The following EIF4H variants were observed in gnomAD, a reference collection of about 807,000 sequenced individuals.
The protein encoded by EIF4H is Williams-Beuren syndrome chromosome region 1.
EIF4H carries 8 observed loss-of-function variants against 30.6 expected under a neutral mutation model. That is an observed-to-expected ratio of 0.26 (90% CI 0.15 to 0.47). EIF4H has a LOEUF of 0.47. EIF4H is among the 20% of genes least tolerant of loss of function. The pLI is 0.99. For synonymous variants in EIF4H, 106 were observed against 122.7 expected, an observed-to-expected ratio of 0.86 and a Z score of 0.90; for missense variants, 188 against 339.5, an observed-to-expected ratio of 0.55 and a Z score of 3.51.
intron 5 of EIF4H, among the ~76,000 whole-genome samples, 189 bp from the exon 6 acceptor site, chr7:74,194,552 T>C (rs1431608428): frequency 6.6e-6 from 1 of 152,248 alleles, no homozygotes; most frequent in East Asian, 1.9e-4. Context: ...GGAAGTCTGT[T>C]AGCGCTGTCA....
At chr7:74,183,608 C>T (rs928419377) in intron 1 of EIF4H, among the ~76,000 whole-genome samples, 2 of 152,182 alleles carry the variant, frequency 1.3e-5, no homozygotes, top group Admixed American at 6.5e-5. Flanking sequence ...CTGAATTTCA[C>T]GAAACACAGC....
intron 5 of EIF4H, 54 bp downstream of exon 5, chr7:74,190,360 T>C: frequency 7.7e-6 from 12 of 1,563,752 alleles, no homozygotes; most frequent in Non-Finnish European, 1.1e-5. Flanking sequence ...CTTGCTGCTG[T>C]TCTCTGTTTC....
At chr7:74,180,761 C>T (rs1016418704) in intron 1 of EIF4H, among the ~76,000 whole-genome samples, 2 of 152,210 alleles carry the variant, frequency 1.3e-5, no homozygotes, top group African/African-American at 2.4e-5. Flanking sequence ...GAAGCCTCAG[C>T]AGCAGTGATA....
intron 2 of EIF4H, among the ~76,000 whole-genome samples, chr7:74,189,368 A>G (rs1383224568): frequency 1.3e-5 from 2 of 152,230 alleles, no homozygotes; most frequent in African/African-American, 4.8e-5. Context: ...TTCAGAAGTC[A>G]GAAGAGCTCT....
chr7:74,188,414 A>G (rs1801135940), intron 2 of EIF4H, among the ~76,000 whole-genome samples: 1 of 152,186 alleles, frequency 6.6e-6, no homozygotes, highest in Non-Finnish European at 1.5e-5. Flanking sequence ...GTGTAAGTGC[A>G]CGATGCTAGG....
chr7:74,189,848 G>A lies in EIF4H; in HGVS notation c.339G>A (p.Val113=). Residue 113 remains valine, a synonymous_variant, in exon 4 of 7, where the codon GTG becomes GTA. Coordinates refer to ENST00000265753, the MANE Select transcript of EIF4H (RefSeq NM_022170.2). Reference sequence around the variant, plus strand: ...TGTTGGGCGATCGGTCACTTCGTGTGGACATTGCAGAAGGCAGAAAACAAG... The same window carrying A: ...TGTTGGGCGATCGGTCACTTCGTGTAGACATTGCAGAAGGCAGAAAACAAG... ...GALLGDRSLR[V]DIAEGRKQDK... is the part of the protein sequence containing the mutation. 6.2e-7 allele frequency: 1 copy of A among 1,614,152 alleles called. No homozygotes were observed. Among genetic ancestry groups the A allele is most frequent in the Non-Finnish European group, 8.5e-7 (1 of 1,180,042 alleles).
chr7:74,193,298 T>C (rs1801266417), intron 5 of EIF4H, among the ~76,000 whole-genome samples: 2 of 152,208 alleles, frequency 1.3e-5, no homozygotes, highest in African/African-American at 2.4e-5. Flanking sequence ...CAGAGCATTA[T>C]CGTTTTCTGC....
In EIF4H at chr7:74,174,390, G is replaced by A; in HGVS notation, c.7G>A (p.Asp3Asn). 6.8e-7 allele frequency: 1 copy of A among 1,460,908 alleles called. No homozygotes were observed. 90.5% of individuals were successfully genotyped at this position (1,460,908 alleles called of 1,614,324 possible). The part of the protein sequence containing the change: MA[D>N]FDTYDDRAYS... ...CTCGGAGCGGAGACGGCAAATGGCGGACTTCGACACCTACGACGATCGGGC... is the reference window on the plus strand; with the variant it reads ...CTCGGAGCGGAGACGGCAAATGGCGAACTTCGACACCTACGACGATCGGGC... The change falls in exon 1 of 7, where the codon GAC (aspartate) becomes AAC (asparagine). Residue 3 changes from aspartate to asparagine, a missense_variant. By Grantham distance (23) the Asp-to-Asn change is conservative. Coordinates refer to ENST00000265753, the MANE Select transcript of EIF4H (RefSeq NM_022170.2).
Position 74,174,924 on chromosome 7 carries a change from C to T in EIF4H, c.59+482C>T, listed in dbSNP as rs1406010867. ...AGGCCGGCCGACTGGGGAAGGTCGG[C>T]AGCCAAGAGGGGCGATTCCCTTCCC... On this transcript the variant is annotated intron_variant, in intron 1 of 6. Transcript: ENST00000265753. 2.0e-5 allele frequency among the ~76,000 whole-genome samples: 3 copies of T among 152,222 alleles called. No homozygotes were observed. In the East Asian group the frequency reaches 5.8e-4, roughly 29 times the overall value.
At chr7:74,179,913 G>A (rs1272327130) in intron 1 of EIF4H, among the ~76,000 whole-genome samples, 1 of 152,058 alleles carries the variant, frequency 6.6e-6, no homozygotes, top group Non-Finnish European at 1.5e-5. Flanking sequence ...TTTTACCATT[G>A]GCAACAAATA....
chr7:74,180,402 G>A (rs1800933028), intron 1 of EIF4H, among the ~76,000 whole-genome samples: 1 of 152,096 alleles, frequency 6.6e-6, no homozygotes, highest in African/African-American at 2.4e-5. Context: ...CATAACATAG[G>A]GTACTAAAAA....
intron 1 of EIF4H, among the ~76,000 whole-genome samples, chr7:74,178,831 G>C (rs1350690288): frequency 2.0e-5 from 3 of 152,192 alleles, no homozygotes; most frequent in Non-Finnish European, 4.4e-5. Flanking sequence ...TTTTGTGTAA[G>C]TCGAATGTTC....
At position 74,189,805 on chromosome 7, in the gene EIF4H, T is replaced by C. The variant is rs781989135; in HGVS notation, c.313-17T>C. 52 of 1,614,036 alleles carry C rather than the reference T, an allele frequency of 3.2e-5. No homozygotes were observed. Among genetic ancestry groups the C allele is most frequent in the Non-Finnish European group, 3.1e-5 (37 of 1,180,014 alleles). On this transcript the variant is annotated splice_polypyrimidine_tract_variant and intron_variant, in intron 3 of 6. Coordinates refer to ENST00000265753, the MANE Select transcript of EIF4H (RefSeq NM_022170.2). Reference sequence around the variant, plus strand: ...TTTTCTTTGCCAATACTTACACTATTTTCCCTTTATCATTAGCTGTTGGGC... The same window carrying C: ...TTTTCTTTGCCAATACTTACACTATCTTCCCTTTATCATTAGCTGTTGGGC...
At position 74,178,201 on chromosome 7, in the gene EIF4H, A is replaced by G. The variant is rs140943966; in HGVS notation, c.59+3759A>G. On this transcript the variant is annotated intron_variant, in intron 1 of 6. Transcript: ENST00000265753. ...AGGGATCTTCCTGCCTCAGCCTCCC[A>G]AGGCTCATTGTGTGAGCCACAGTAC... Among the ~76,000 whole-genome samples the G allele has an allele frequency of 4.2e-4, 64 of 152,228 alleles. No homozygotes were observed. In the East Asian group the frequency reaches 0.01, roughly 25 times the overall value.
At chr7:74,180,012 GACAATATGTCCAGACCTGGT>G (rs1177602306) in intron 1 of EIF4H, among the ~76,000 whole-genome samples, 1 of 152,080 alleles carries the variant, frequency 6.6e-6, no homozygotes, top group African/African-American at 2.4e-5. Flanking sequence ...GCCCAGTCTG[GACAATATGTCCAGACCTGGT>G]CTTTTCAAAA....
At chr7:74,179,357 C>T (rs1361748415) in intron 1 of EIF4H, among the ~76,000 whole-genome samples, 2 of 152,146 alleles carry the variant, frequency 1.3e-5, no homozygotes, top group Non-Finnish European at 2.9e-5. Context: ...TTTGGCTGGG[C>T]GCGGTGGCTC....
intron 2 of EIF4H, 112 bp downstream of exon 2, chr7:74,187,910 T>C (rs1195895430): frequency 2.3e-6 from 3 of 1,292,244 alleles, no homozygotes; most frequent in Middle Eastern, 3.9e-4. Context: ...AGAAAGTGTT[T>C]TAAACATTTG....
intron 1 of EIF4H, among the ~76,000 whole-genome samples, chr7:74,179,033 A>G (rs1184238212): frequency 6.6e-6 from 1 of 151,932 alleles, no homozygotes; most frequent in East Asian, 1.9e-4. Context: ...GTATACTCAC[A>G]TTTTTGGAGC....
At chr7:74,181,269 C>G (rs1014944482) in intron 1 of EIF4H, among the ~76,000 whole-genome samples, 1 of 152,096 alleles carries the variant, frequency 6.6e-6, no homozygotes, top group African/African-American at 2.4e-5. Flanking sequence ...TAAGGCTAAT[C>G]CTAGTCACCT....
Sources: gnomAD v4.1 joint callset for allele counts (sites outside exome capture counted in the v4.1 genomes callset) on GRCh38, gnomAD v4.1.1 for gene constraint, MANE v1.5 for transcripts, NCBI Gene and HGNC (gene_info 2026-07-23, HGNC 2026-07-21) for gene names.